The following SPTA1 variants were observed in gnomAD, a reference collection of about 807,000 sequenced individuals.
The protein encoded by SPTA1 is spectrin alpha, erythrocytic 1.
Under a neutral mutation model 324.7 loss-of-function variants are expected in SPTA1, and 177 were observed. The observed-to-expected ratio is 0.55, with a 90% CI of 0.48 to 0.62. The LOEUF (loss-of-function observed/expected upper bound fraction) is 0.62, where lower values mean the gene tolerates loss of function less well. Ranked by LOEUF, SPTA1 falls within the 20% of genes least tolerant of loss-of-function variation. The probability of loss-of-function intolerance (pLI) is 0.00; values close to 1 mark genes in which losing one functional copy is unlikely to be tolerated. For synonymous variants in SPTA1, 1,195 were observed against 1,041.3 expected (o/e 1.15, Z -2.84); for missense variants, 3,162 against 2,883.6 (o/e 1.10, Z -2.21).
chr1:158,613,831 G>A lies in SPTA1; in HGVS notation c.6879C>T (p.His2293=). The change falls in exon 50 of 52, where the codon CAC becomes CAT. Residue 2293 remains histidine (H), a synonymous_variant. Transcript: ENST00000643759. ...CTCTCAGGCAGGACCGGAACTCTTT[G>A]TGAGTCAGGCGCCCTGTCAAATTCT... ...FDENLTGRLT[H]KEFRSCLRGL... is the part of the protein sequence containing the mutation. 1 of 1,613,868 alleles carries A rather than the reference G, an allele frequency of 6.2e-7. No homozygotes were observed. Among genetic ancestry groups the A allele is most frequent in the Non-Finnish European group, 8.5e-7 (1 of 1,179,926 alleles).
Position 158,644,386 on chromosome 1 carries a change from C to A in SPTA1, c.4205G>T (p.Gly1402Val). Residue 1402 changes from glycine (G) to valine (V), a missense_variant, in exon 30 of 52, where the codon GGG (glycine) becomes GTG (valine). Gly to Val is a moderately radical substitution (Grantham distance 109). Coordinates refer to ENST00000643759, the MANE Select transcript of SPTA1 (RefSeq NM_003126.4). ...CCAGCTCTCAACTTGATCACAGTTC[C>A]CCTGGAACATCTATGAGGAATCAAA... ...DQCLELQMFQGNCDQVESWMV... is the reference protein window; with the variant it reads ...DQCLELQMFQVNCDQVESWMV... The A allele has an allele frequency of 6.2e-7, 1 of 1,613,714 alleles. No homozygotes were observed. The highest frequency in any genetic ancestry group is 8.5e-7 in the Non-Finnish European group (1 of 1,179,820).
Position 158,662,865 on chromosome 1 carries a change from C to T in SPTA1, c.2301G>A (p.Arg767=). Residue 767 remains arginine, a synonymous_variant, in exon 17 of 52, where the codon AGG becomes AGA. Transcript: ENST00000643759. ...CAAATCGGCATACCAAGGACTCTTG[C>T]CTTGCCCTTATATCCTTAGAATCAG... ...GHPDSKDIRA[R]QESLVCRFEA... 6.2e-7 allele frequency: 1 copy of T among 1,614,088 alleles called. No individual in the cohort carries two copies. Among genetic ancestry groups the T allele is most frequent in the Non-Finnish European group, 8.5e-7 (1 of 1,179,996 alleles).
At chr1:158,674,491 A>G in intron 9 of SPTA1, 49 bp downstream of exon 9, 4 of 1,614,066 alleles carry the variant, frequency 2.5e-6, no homozygotes, top group Non-Finnish European at 3.4e-6. Context: ...TCTGGCATTC[A>G]GCCAAATAAC....
rs755562804 is a variant in SPTA1, at chr1:158,672,095, G to A, written c.1452C>T (p.Asp484=). 9 of 1,613,906 alleles carry A rather than the reference G, an allele frequency of 5.6e-6. No individual in the cohort carries two copies. In the African/African-American group the frequency reaches 6.7e-5, roughly 12 times the overall value. ...TCATCCAACTGTCCACTTGCTCACT[G>A]TCTCTGTAGAAGAGATGAAAGTCCA... is the stretch of plus-strand genomic sequence containing the variant. ...QCLDFHLFYR[D]SEQVDSWMSR... Residue 484 remains aspartate (D), a synonymous_variant, in exon 11 of 52, where the codon GAC becomes GAT. Transcript: ENST00000643759.
At position 158,636,015 on chromosome 1, in the gene SPTA1, T is replaced by C. The variant is rs183540526; in HGVS notation, c.5330A>G (p.Glu1777Gly). The change falls in exon 38 of 52, where the codon GAG (glutamate) becomes GGG (glycine). Residue 1777 changes from glutamate (E) to glycine (G), a missense_variant. By Grantham distance (98) the Glu-to-Gly change is moderately conservative. Transcript: ENST00000643759. ...CACAGCAGCCTTGTCTTTCAGCTTC[T>C]CTGCCATATCCAGCACATTCTGAAG... Reference protein sequence around the residue: ...PAIQNVLDMAEKLKDKAAVGQ... With the variant: ...PAIQNVLDMAGKLKDKAAVGQ... 1.9e-6 allele frequency: 3 copies of C among 1,614,176 alleles called. No individual in the cohort carries two copies. Among genetic ancestry groups the C allele is most frequent in the Non-Finnish European group, 8.5e-7 (1 of 1,180,028 alleles).
Position 158,645,396 on chromosome 1 carries a change from A to C in SPTA1, c.3997-11T>G, listed in dbSNP as rs1444688381. 6.2e-6 allele frequency: 10 copies of C among 1,613,822 alleles called. No individual in the cohort carries two copies. Among genetic ancestry groups the C allele is most frequent in the Non-Finnish European group, 8.5e-6 (10 of 1,179,938 alleles). On this transcript the variant is annotated splice_polypyrimidine_tract_variant and intron_variant, in intron 28 of 51. Transcript: ENST00000643759. ...GTCAGCACGGTGCTCCTGTGGGAAA[A>C]AGGGGGAAGAAATCAGTGAGGCCAA...
At position 158,667,874 on chromosome 1, in the gene SPTA1, C is replaced by A. The variant is rs1292263196; in HGVS notation, c.2022G>T (p.Glu674Asp). ...EVASLWEELL[E>D]ATKQKGTQLH... ...GCTTTTTACCTTTCTGTTTTGTAGC[C>A]TCCAGCAACTCCTCCCAGAGGCTGG... The change falls in exon 15 of 52, where the codon GAG becomes GAT. Residue 674 changes from glutamate (E) to aspartate (D), a missense_variant. Physicochemically the swap from Glu to Asp is conservative, Grantham distance 45. Transcript: ENST00000643759. 5.0e-6 allele frequency: 8 copies of A among 1,613,908 alleles called. No individual in the cohort carries two copies. Among genetic ancestry groups the A allele is most frequent in the Non-Finnish European group, 8.5e-7 (1 of 1,179,964 alleles).
chr1:158,633,300 A>G (rs1163715058), intron 39 of SPTA1, among the ~76,000 whole-genome samples: 1 of 152,182 alleles, frequency 6.6e-6, no homozygotes, highest in African/African-American at 2.4e-5. Flanking sequence ...GGATGTTTCC[A>G]TTAGAGAAAA....
intron 30 of SPTA1, among the ~76,000 whole-genome samples, 154 bp downstream of exon 30, chr1:158,644,099 T>C (rs1191155089): frequency 1.3e-5 from 2 of 150,688 alleles, no homozygotes; most frequent in East Asian, 1.9e-4. Context: ...ATCACACCAC[T>C]GCACTCCAGC....
intron 35 of SPTA1, among the ~76,000 whole-genome samples, chr1:158,638,791 C>G (rs1383339184): frequency 1.4e-5 from 2 of 147,292 alleles, no homozygotes; most frequent in African/African-American, 5.0e-5. Context: ...GGCAATCATT[C>G]GTTCCCATAC....
Position 158,652,646 on chromosome 1 carries a change from A to T in SPTA1, c.3196T>A (p.Ser1066Thr). 1.2e-6 allele frequency: 2 copies of T among 1,614,104 alleles called. No individual in the cohort carries two copies. The highest frequency in any genetic ancestry group is 1.7e-6 in the Non-Finnish European group (2 of 1,180,016). Residue 1066 changes from serine (S) to threonine (T), a missense_variant, in exon 23 of 52, where the codon TCC (serine) becomes ACC (threonine). By Grantham distance (58) the Ser-to-Thr change is moderately conservative. Transcript: ENST00000643759. ...CGTTCTTCTGCCCGATCCAAGAGGG[A>T]GCGGTATCTGGATGGAGAATTGGGA... ...RQEQIENQYR[S>T]LLDRAEERRR...
At chr1:158,638,009 C>G in intron 36 of SPTA1, 24 bp downstream of exon 36, 1 of 1,611,420 alleles carries the variant, frequency 6.2e-7, no homozygotes, top group Non-Finnish European at 8.5e-7. Flanking sequence ...ATTATCCACA[C>G]ATTTTTGAGC....
At chr1:158,654,536 G>A (rs1182970471) in intron 21 of SPTA1, 75 bp downstream of exon 21, 3 of 1,582,508 alleles carry the variant, frequency 1.9e-6, no homozygotes, top group Non-Finnish European at 2.6e-6. Context: ...GTAAAAATAT[G>A]AATATCTGGC....
chr1:158,657,435 G>C, intron 19 of SPTA1, 42 bp downstream of exon 19: 1 of 1,572,250 alleles, frequency 6.4e-7, no homozygotes. Context: ...ATTTGGTTGC[G>C]TTTGTTGAGG....
At chr1:158,612,449 C>G (rs1020778274) in intron 51 of SPTA1, 3 of 302,550 alleles carry the variant, frequency 9.9e-6, no homozygotes, top group Non-Finnish European at 1.3e-5. Context: ...TTGTAAAGTT[C>G]TGTCTTCCCC....
At chr1:158,666,295 G>A (rs753739036) in intron 16 of SPTA1, 21 bp downstream of exon 16, 4 of 1,612,274 alleles carry the variant, frequency 2.5e-6, no homozygotes, top group Non-Finnish European at 3.4e-6. Flanking sequence ...CTTATGGCTG[G>A]CCAAAGAGCT....
intron 38 of SPTA1, among the ~76,000 whole-genome samples, chr1:158,635,113 G>A (rs908339442): frequency 7.2e-5 from 11 of 151,998 alleles, no homozygotes; most frequent in African/African-American, 1.9e-4. Context: ...GACAGAAATC[G>A]TTATATTTGG....
At position 158,683,612 on chromosome 1, in the gene SPTA1, TAA is replaced by T. The variant is rs901225299; in HGVS notation, c.265-118_265-117del. 13 of 1,364,684 alleles carry T rather than the reference TAA, an allele frequency of 9.5e-6. No individual in the cohort carries two copies. In the African/African-American group the frequency reaches 1.7e-4, roughly 18 times the overall value. The allele number at this position is 1,364,684 out of a possible 1,614,324, so 84.5% of individuals were successfully genotyped here. ...CAAAGGGTCCCAGACTCAGAGGCCA[TAA>T]AGAGTATTTTCCTGTCCCCACTGGC... is the stretch of plus-strand genomic sequence containing the variant. On this transcript the variant is annotated intron_variant, in intron 2 of 51. Transcript: ENST00000643759.
At position 158,655,473 on chromosome 1, in the gene SPTA1, G is replaced by A. The variant is rs866631424; in HGVS notation, c.2899-725C>T. ...TTGGAGTTGAATATGCACCTCCACC[G>A]ACAGAGCCCTCTAATTTCATCTCCT... On this transcript the variant is annotated intron_variant, in intron 20 of 51. Transcript: ENST00000643759. 2.0e-4 allele frequency among the ~76,000 whole-genome samples: 31 copies of A among 152,006 alleles called. 1 individual carries two copies. The highest frequency in any genetic ancestry group is 1.2e-4 in the Non-Finnish European group (8 of 67,982).
Sources: allele counts gnomAD v4.1 joint callset (sites outside exome capture counted in the v4.1 genomes callset), GRCh38; gene constraint gnomAD v4.1.1; transcripts MANE v1.5; gene names NCBI Gene and HGNC (gene_info 2026-07-23, HGNC 2026-07-21).